The following EYA1 variants were observed in gnomAD, a reference collection of about 807,000 sequenced individuals.
The protein encoded by EYA1 is protein phosphatase EYA1.
EYA1 carries 16 observed loss-of-function variants against 82.0 expected under a neutral mutation model. That is an observed-to-expected ratio of 0.20 (90% CI 0.13 to 0.30). The LOEUF (loss-of-function observed/expected upper bound fraction) is 0.30. Ranked by LOEUF, EYA1 falls within the 10% of genes least tolerant of loss-of-function variation. The pLI is 1.00. For missense variants in EYA1, 633 were observed against 730.7 expected, an observed-to-expected ratio of 0.87 and a Z score of 1.54; for synonymous variants, 261 against 264.4, an observed-to-expected ratio of 0.99 and a Z score of 0.12.
intron 9 of EYA1, among the ~76,000 whole-genome samples, chr8:71,295,672 C>G (rs1433532717): frequency 6.6e-6 from 1 of 152,168 alleles, no homozygotes; most frequent in East Asian, 1.9e-4. Context: ...TCTTCTAAAG[C>G]TAAACGTAGT....
chr8:71,376,840 T>C (rs1828401772), intron 2 of EYA1, among the ~76,000 whole-genome samples: 1 of 152,050 alleles, frequency 6.6e-6, no homozygotes, highest in South Asian at 2.1e-4. Flanking sequence ...AGTTAACTAG[T>C]TTTCATCACT....
rs555319099 is a variant in EYA1, at chr8:71,448,236, G to C, written c.33+87508C>G. On this transcript the variant is annotated intron_variant, in intron 2 of 18. Coordinates refer to the EYA1 transcript ENST00000643681. Reference sequence around the variant, plus strand: ...AATTAAAGACAATCTTCTCAAACCTGCCTCTGTTTTCTCAACTAGGCTGAT... The same window carrying C: ...AATTAAAGACAATCTTCTCAAACCTCCCTCTGTTTTCTCAACTAGGCTGAT... 2.0e-5 allele frequency among the ~76,000 whole-genome samples: 3 copies of C among 152,036 alleles called. No individual in the cohort carries two copies. In the East Asian group the frequency reaches 5.8e-4, roughly 29 times the overall value.
upstream of EYA1, chr8:71,362,312 G>T (rs1036901275): frequency 1.7e-5 from 10 of 590,108 alleles, no homozygotes; most frequent in African/African-American, 1.8e-4. Context: ...GTAAATGAAC[G>T]CGCCCCACGC....
intron 1 of EYA1, among the ~76,000 whole-genome samples, chr8:71,544,457 G>A (rs1416993171): frequency 2.0e-5 from 3 of 152,138 alleles, no homozygotes; most frequent in Non-Finnish European, 4.4e-5. Flanking sequence ...GTTAAGCCAC[G>A]TAGTCCAGCA....
intron 2 of EYA1, among the ~76,000 whole-genome samples, chr8:71,520,148 A>G (rs1011343634): frequency 1.3e-5 from 2 of 152,188 alleles, no homozygotes; most frequent in African/African-American, 4.8e-5. Flanking sequence ...AGAACAAACA[A>G]TAATGTCCCA....
chr8:71,257,687 T>C (rs1397065038), intron 11 of EYA1, among the ~76,000 whole-genome samples: 1 of 152,176 alleles, frequency 6.6e-6, no homozygotes, highest in Non-Finnish European at 1.5e-5. Context: ...ATATGGGATG[T>C]TCTTTTCCAG....
chr8:71,292,991 AAATC>A lies in EYA1; in HGVS notation c.826+6052_826+6055del, dbSNP rs1273768124. On this transcript the variant is annotated intron_variant, in intron 9 of 17. Coordinates refer to ENST00000340726, the MANE Select transcript of EYA1 (RefSeq NM_000503.6). ...ATTAAAAACAGGAAAACAACAGAGAAAATCAATGAAATTGGCTGTTTGAGAATAT... is the reference window on the plus strand; with the variant it reads ...ATTAAAAACAGGAAAACAACAGAGAAAATGAAATTGGCTGTTTGAGAATAT... Among the ~76,000 whole-genome samples the A allele has an allele frequency of 2.0e-5, 3 of 152,118 alleles. No individual in the cohort carries two copies. The East Asian group carries it at 5.8e-4, about 29-fold the overall frequency.
intron 2 of EYA1, among the ~76,000 whole-genome samples, chr8:71,414,967 C>T (rs1051743662): frequency 2.6e-5 from 4 of 152,118 alleles, no homozygotes; most frequent in African/African-American, 9.7e-5. Flanking sequence ...GAAGTAAATG[C>T]CACTAAAATT....
At chr8:71,216,878 A>C (rs1809277009) in intron 13 of EYA1, 26 bp from the exon 14 acceptor site, 1 of 1,613,926 alleles carries the variant, frequency 6.2e-7, no homozygotes, top group Non-Finnish European at 8.5e-7. Flanking sequence ...AAAAGCCCAA[A>C]GTTAGCCGAA....
intron 3 of EYA1, among the ~76,000 whole-genome samples, chr8:71,349,549 AT>A (rs1238637153): frequency 6.6e-6 from 1 of 152,104 alleles, no homozygotes; most frequent in African/African-American, 2.4e-5. Flanking sequence ...TAAGTCTTGG[AT>A]TTTTTTTGTG....
chr8:71,284,362 G>C (rs942544632), intron 9 of EYA1, among the ~76,000 whole-genome samples: 4 of 152,192 alleles, frequency 2.6e-5, no homozygotes, highest in Admixed American at 2.6e-4. Flanking sequence ...CTAACTTACA[G>C]GGCATAACAC....
At chr8:71,546,590 C>G (rs980220418) in intron 1 of EYA1, among the ~76,000 whole-genome samples, 11 of 151,884 alleles carry the variant, frequency 7.2e-5, no homozygotes, top group Admixed American at 2.0e-4. Context: ...AACCTCCAAC[C>G]TCCCTGGTTC....
At chr8:71,315,430 C>T (rs990153869) in intron 7 of EYA1, among the ~76,000 whole-genome samples, 7 of 152,180 alleles carry the variant, frequency 4.6e-5, no homozygotes, top group Non-Finnish European at 7.3e-5. Flanking sequence ...ACTTCACTTG[C>T]CTCTTTCCCA....
At chr8:71,370,742 T>C (rs1409418199) in intron 2 of EYA1, among the ~76,000 whole-genome samples, 1 of 152,004 alleles carries the variant, frequency 6.6e-6, no homozygotes, top group Non-Finnish European at 1.5e-5. Context: ...CTGCCTCAGC[T>C]TCTGAGTAGC....
intron 1 of EYA1, among the ~76,000 whole-genome samples, chr8:71,359,769 T>C (rs1326195052): frequency 6.6e-6 from 1 of 152,128 alleles, no homozygotes; most frequent in Non-Finnish European, 1.5e-5. Flanking sequence ...ATTTTCAAAG[T>C]GAAAGTACTG....
chr8:71,351,334 T>C (rs1286252312), intron 3 of EYA1, among the ~76,000 whole-genome samples: 3 of 152,210 alleles, frequency 2.0e-5, no homozygotes, highest in African/African-American at 7.2e-5. Context: ...TATGCATTAA[T>C]TCATTTGGAA....
At chr8:71,399,212 G>T (rs941695760) in intron 2 of EYA1, among the ~76,000 whole-genome samples, 1 of 152,164 alleles carries the variant, frequency 6.6e-6, no homozygotes, top group African/African-American at 2.4e-5. Context: ...CCTTTGCTAG[G>T]AAAGGGAATT....
rs201950125 is a variant in EYA1, at chr8:71,523,173, C to CTTTTTTTTTTTTTTTTTTTTTTTTTT, written c.33+12570_33+12571insAAAAAAAAAAAAAAAAAAAAAAAAAA. 1.1e-4 allele frequency among the ~76,000 whole-genome samples: 12 copies of CTTTTTTTTTTTTTTTTTTTTTTTTTT among 110,848 alleles called. 1 individual carries two copies. Among genetic ancestry groups the CTTTTTTTTTTTTTTTTTTTTTTTTTT allele is most frequent in the East Asian group, 3.5e-4 (1 of 2,896 alleles). The allele number at this position is 110,848 out of a possible 152,430, so 72.7% of individuals were successfully genotyped here. A position where few individuals can be genotyped will look rare whatever the true frequency, so the allele number is the denominator to read the frequency against. On this transcript the variant is annotated intron_variant, in intron 2 of 18. Coordinates refer to the EYA1 transcript ENST00000643681. The stretch of plus-strand genomic sequence containing the variant: ...TTCAGCTCTTTTTCTTTTCTTTTTT[C>CTTTTTTTTTTTTTTTTTTTTTTTTTT]TTTTTCTTTTTTTTTTTTTTTTTGA...
chr8:71,294,321 T>A (rs4324946), intron 9 of EYA1, among the ~76,000 whole-genome samples: 71,696 of 151,444 alleles, frequency 0.47, 17,538 homozygotes, highest in East Asian at 0.71. Flanking sequence ...TAGCCGGGCG[T>A]GGTAGCGGGC....
Sources: allele counts gnomAD v4.1 joint callset (sites outside exome capture counted in the v4.1 genomes callset), GRCh38; gene constraint gnomAD v4.1.1; transcripts MANE v1.5; gene names NCBI Gene and HGNC (gene_info 2026-07-23, HGNC 2026-07-21).